The following CDH13 variants were observed in gnomAD, a reference collection of about 807,000 sequenced individuals.
The protein encoded by CDH13 is cadherin-13.
CDH13 carries 24 observed loss-of-function variants against 63.8 expected under a neutral mutation model. The observed-to-expected ratio is 0.38, with a 90% CI of 0.27 to 0.53. The LOEUF is 0.53. Ranked by LOEUF, CDH13 falls within the 20% of genes least tolerant of loss-of-function variation. The pLI is 0.85. For synonymous variants in CDH13, 503 were observed against 355.3 expected, an observed-to-expected ratio of 1.42 and a Z score of -4.67; for missense variants, 1,049 against 903.1, an observed-to-expected ratio of 1.16 and a Z score of -2.07.
At chr16:83,398,807 A>T (rs2091925506) in intron 6 of CDH13, among the ~76,000 whole-genome samples, 1 of 152,152 alleles carries the variant, frequency 6.6e-6, no homozygotes, top group Admixed American at 6.5e-5. Context: ...CTTAAAATAG[A>T]TTTTATCTCA....
chr16:83,278,401 G>C (rs936750663), intron 5 of CDH13, among the ~76,000 whole-genome samples: 4 of 152,154 alleles, frequency 2.6e-5, no homozygotes, highest in African/African-American at 9.7e-5. Context: ...CCTCTGAAAT[G>C]GGGAAAGGTA....
chr16:83,581,712 G>C (rs1905620555), intron 7 of CDH13, among the ~76,000 whole-genome samples: 1 of 152,160 alleles, frequency 6.6e-6, no homozygotes, highest in Non-Finnish European at 1.5e-5. Flanking sequence ...CCAGCTGCTA[G>C]GGAGACTGAG....
At chr16:83,035,134 A>G (rs996188330) in intron 3 of CDH13, among the ~76,000 whole-genome samples, 12 of 152,204 alleles carry the variant, frequency 7.9e-5, no homozygotes, top group African/African-American at 2.7e-4. Flanking sequence ...CAAAATAGAT[A>G]GCAAAAGAAT....
At chr16:83,227,871 G>A (rs576151092) in intron 5 of CDH13, among the ~76,000 whole-genome samples, 29 of 152,172 alleles carry the variant, frequency 1.9e-4, no homozygotes, top group Non-Finnish European at 4.0e-4. Flanking sequence ...ACTTGTGTTA[G>A]CCACTATTTC....
At chr16:82,961,725 A>T (rs988631413) in intron 2 of CDH13, among the ~76,000 whole-genome samples, 1 of 152,164 alleles carries the variant, frequency 6.6e-6, no homozygotes, top group African/African-American at 2.4e-5. Context: ...AAACTGGTCT[A>T]TGGTACTGTG....
intron 4 of CDH13, among the ~76,000 whole-genome samples, chr16:83,182,256 C>T (rs1037534939): frequency 2.6e-5 from 4 of 152,176 alleles, no homozygotes; most frequent in African/African-American, 7.2e-5. Flanking sequence ...CTGGATCTTT[C>T]GCTAAAGACT....
At chr16:83,419,568 C>T (rs1023996733) in intron 6 of CDH13, among the ~76,000 whole-genome samples, 5 of 152,150 alleles carry the variant, frequency 3.3e-5, no homozygotes, top group Admixed American at 2.0e-4. Flanking sequence ...AGTAGTAATA[C>T]CTGACATTTA....
At chr16:82,683,367 A>G (rs1914748922) in intron 1 of CDH13, among the ~76,000 whole-genome samples, 1 of 152,068 alleles carries the variant, frequency 6.6e-6, no homozygotes, top group South Asian at 2.1e-4. Context: ...TGCCTTGTAT[A>G]TCTGACTTGC....
At chr16:83,453,279 G>T (rs1469368472) in intron 6 of CDH13, among the ~76,000 whole-genome samples, 1 of 152,106 alleles carries the variant, frequency 6.6e-6, no homozygotes, top group Non-Finnish European at 1.5e-5. Flanking sequence ...CACTGCTCAG[G>T]TGATGGATGC....
chr16:83,475,878 C>A (rs1179336531), intron 6 of CDH13, among the ~76,000 whole-genome samples: 1 of 152,194 alleles, frequency 6.6e-6, no homozygotes, highest in Non-Finnish European at 1.5e-5. Flanking sequence ...AGCCACCATG[C>A]CTGGCCTATG....
intron 7 of CDH13, among the ~76,000 whole-genome samples, chr16:83,563,177 G>A (rs2075737524): frequency 6.6e-6 from 1 of 152,210 alleles, no homozygotes; most frequent in Non-Finnish European, 1.5e-5. Flanking sequence ...GGCAAAAAAT[G>A]GCATCTACCA....
At chr16:83,031,574 T>C (rs1232556620) in intron 2 of CDH13, among the ~76,000 whole-genome samples, 1 of 151,960 alleles carries the variant, frequency 6.6e-6, no homozygotes, top group African/African-American at 2.4e-5. Flanking sequence ...TTCCACATTC[T>C]TAAGGGCCTT....
chr16:82,796,374 G>T (rs1180501488), intron 1 of CDH13, among the ~76,000 whole-genome samples: 1 of 152,032 alleles, frequency 6.6e-6, no homozygotes, highest in Non-Finnish European at 1.5e-5. Flanking sequence ...TCTCCCCAGG[G>T]TACATTCCCT....
chr16:82,723,683 C>T (rs995114739), intron 1 of CDH13, among the ~76,000 whole-genome samples: 2 of 152,080 alleles, frequency 1.3e-5, no homozygotes, highest in East Asian at 1.9e-4. Flanking sequence ...CACCAGATTG[C>T]GACAGGAGTG....
chr16:82,733,713 T>C (rs1043312765), intron 1 of CDH13, among the ~76,000 whole-genome samples: 1 of 152,224 alleles, frequency 6.6e-6, no homozygotes, highest in Non-Finnish European at 1.5e-5. Context: ...GTAAGGCTTA[T>C]GCTTTTAAGC....
At chr16:83,085,535 C>G (rs1464830053) in intron 3 of CDH13, among the ~76,000 whole-genome samples, 1 of 152,168 alleles carries the variant, frequency 6.6e-6, no homozygotes, top group Non-Finnish European at 1.5e-5. Flanking sequence ...ATAAGAAAGT[C>G]TTATCAAAAA....
At chr16:83,134,898 A>G (rs2036216186) in intron 4 of CDH13, among the ~76,000 whole-genome samples, 1 of 152,176 alleles carries the variant, frequency 6.6e-6, no homozygotes. Context: ...GGAGGAAGCA[A>G]TATTTTTAAC....
Position 83,384,079 on chromosome 16 carries a change from C to G in CDH13, c.781+39073C>G, listed in dbSNP as rs192302651. ...ATATGTCTACAACTACTGTATCTCT[C>G]TGCATTGTTCATACATTAAATTTAA... is the stretch of plus-strand genomic sequence containing the variant. On this transcript the variant is annotated intron_variant, in intron 6 of 13. Transcript: ENST00000567109. Among the ~76,000 whole-genome samples the G allele has an allele frequency of 1.0e-3, 152 of 152,308 alleles. No homozygotes were observed. The Middle Eastern group carries it at 0.01, about 10-fold the overall frequency.
chr16:83,203,073 AATTAGCCAGGC>A (rs2039078745), intron 4 of CDH13, among the ~76,000 whole-genome samples: 3 of 152,078 alleles, frequency 2.0e-5, no homozygotes, highest in Admixed American at 2.0e-4. Context: ...GAAAATACAA[AATTAGCCAGGC>A]ATAGTGGTGC....
Sources: gnomAD v4.1 joint callset for allele counts (sites outside exome capture counted in the v4.1 genomes callset) on GRCh38, gnomAD v4.1.1 for gene constraint, MANE v1.5 for transcripts, NCBI Gene and HGNC (gene_info 2026-07-23, HGNC 2026-07-21) for gene names.